DAB2: variants seen among roughly 807,000 people sequenced by gnomAD.
DAB2 encodes the protein DAB adaptor protein 2.
Under a neutral mutation model 71.6 loss-of-function variants are expected in DAB2, and 28 were observed. That is an observed-to-expected ratio of 0.39 (90% CI 0.29 to 0.54). The LOEUF is 0.54. DAB2 is among the 20% of genes least tolerant of loss of function. The probability of loss-of-function intolerance (pLI) is 0.68; values close to 1 mark genes in which losing one functional copy is unlikely to be tolerated. For missense variants in DAB2, 867 were observed against 928.8 expected (o/e 0.93, Z 0.86); for synonymous variants, 345 against 339.7 (o/e 1.02, Z -0.17).
intron 1 of DAB2, among the ~76,000 whole-genome samples, chr5:39,411,469 G>T (rs1466686601): frequency 1.3e-5 from 2 of 152,076 alleles, no homozygotes; most frequent in African/African-American, 2.4e-5. Context: ...TTAGATAGGG[G>T]CTCCATTTGT....
At chr5:39,398,194 G>T (rs554219363) in intron 1 of DAB2, among the ~76,000 whole-genome samples, 1 of 152,130 alleles carries the variant, frequency 6.6e-6, no homozygotes, top group Non-Finnish European at 1.5e-5. Context: ...TTTGAGAAGT[G>T]CCACAAAGCA....
In DAB2 at chr5:39,376,669, T is replaced by C. The variant is rs142857282; in HGVS notation, c.2118A>G (p.Gln706=). ...NADHDDFDAN[Q]LLNKINEPPK... The stretch of plus-strand genomic sequence containing the variant: ...GCTTACCATTGATCTTGTTCAATAG[T>C]TGATTAGCATCAAAGTCATCATGGT... Residue 706 remains glutamine (Q), a synonymous_variant, in exon 12 of 15, where the codon CAA becomes CAG. Transcript: ENST00000320816. 1.7e-5 allele frequency: 28 copies of C among 1,613,880 alleles called. No individual in the cohort carries two copies. Among genetic ancestry groups the C allele is most frequent in the Non-Finnish European group, 2.4e-5 (28 of 1,179,978 alleles).
intron 1 of DAB2, among the ~76,000 whole-genome samples, chr5:39,400,783 A>G (rs887378130): frequency 6.6e-6 from 1 of 152,190 alleles, no homozygotes; most frequent in Non-Finnish European, 1.5e-5. Flanking sequence ...GACACAGGGA[A>G]AGGAATTAAG....
intron 1 of DAB2, chr5:39,408,384 T>C (rs941197668): frequency 1.3e-5 from 2 of 152,182 alleles, no homozygotes; most frequent in Non-Finnish European, 2.9e-5. Flanking sequence ...AACCTACCCA[T>C]AGAGTTGGCA....
At chr5:39,410,532 T>C (rs934511502) in intron 1 of DAB2, among the ~76,000 whole-genome samples, 2 of 152,182 alleles carry the variant, frequency 1.3e-5, no homozygotes, top group African/African-American at 2.4e-5. Context: ...CATTAAATCA[T>C]AGGGTACCAA....
In DAB2 at chr5:39,381,626, C is replaced by T. The variant is rs921672060; in HGVS notation, c.1342-10G>A. ...AGTCATTGGCTGAAGACTGACAGGACAGGGAGGGAGGGAGAAGCCTTAGTT... is the reference window on the plus strand; with the variant it reads ...AGTCATTGGCTGAAGACTGACAGGATAGGGAGGGAGGGAGAAGCCTTAGTT... On this transcript the variant is annotated splice_polypyrimidine_tract_variant and intron_variant, in intron 10 of 14. Coordinates refer to ENST00000320816, the MANE Select transcript of DAB2 (RefSeq NM_001343.4). 5.0e-6 allele frequency: 8 copies of T among 1,613,554 alleles called. No individual in the cohort carries two copies. Among genetic ancestry groups the T allele is most frequent in the East Asian group, 2.2e-5 (1 of 44,880 alleles).
intron 1 of DAB2, among the ~76,000 whole-genome samples, chr5:39,412,985 G>T (rs1283009043): frequency 6.6e-6 from 1 of 152,138 alleles, no homozygotes; most frequent in Non-Finnish European, 1.5e-5. Context: ...CCTGTGCTGG[G>T]TTATACCAGG....
chr5:39,383,123 G>T lies in DAB2; in HGVS notation c.836C>A (p.Ala279Asp), dbSNP rs1802925. The part of the protein sequence containing the change: ...TPQASFLPEN[A>D]FSANLNFFPT... ...AAAGAAGTTGAGATTGGCAGAAAAG[G>T]CATTTTCAGGCAAGAAGGATGCCTG... is the stretch of plus-strand genomic sequence containing the variant. Residue 279 changes from alanine (A) to aspartate (D), a missense_variant, in exon 10 of 15, where the codon GCC becomes GAC. Ala to Asp is a moderately radical substitution (Grantham distance 126, BLOSUM62 -2). Coordinates refer to ENST00000320816, the MANE Select transcript of DAB2 (RefSeq NM_001343.4). 1.5e-5 allele frequency: 24 copies of T among 1,614,118 alleles called. No individual in the cohort carries two copies. The highest frequency in any genetic ancestry group is 2.0e-5 in the Non-Finnish European group (24 of 1,180,030).
rs200943679 is a variant in DAB2 at position 39,376,782 on chromosome 5, G to A, written c.2005C>T (p.Arg669Trp). The change falls in exon 12 of 15, where the codon CGG becomes TGG. Residue 669 changes from arginine (R) to tryptophan (W), a missense_variant. Transcript: ENST00000320816. ...QLRQPPAVPA[R>W]KGEQTSSGTL... ...CCAGAAGAAGTCTGCTCTCCCTTCC[G>A]CGCGGGCACAGCAGGTGGCTGCCGC... 15 of 1,614,062 alleles carry A rather than the reference G, an allele frequency of 9.3e-6. No homozygotes were observed. The highest frequency in any genetic ancestry group is 4.4e-5 in the South Asian group (4 of 91,078).
chr5:39,412,240 A>T (rs1192552905), intron 1 of DAB2, among the ~76,000 whole-genome samples: 1 of 152,020 alleles, frequency 6.6e-6, no homozygotes, highest in African/African-American at 2.4e-5. Context: ...TTGCTGTGAA[A>T]CCATGATTAT....
chr5:39,400,247 CT>C (rs1755467649), intron 1 of DAB2, among the ~76,000 whole-genome samples: 2 of 140,918 alleles, frequency 1.4e-5, no homozygotes, highest in Admixed American at 1.4e-4. Context: ...TTTTTTTTTT[CT>C]TGAGATAGAG....
Position 39,390,323 on chromosome 5 carries a change from G to A in DAB2, c.462+121C>T, listed in dbSNP as rs534889954. The A allele has an allele frequency of 5.7e-4, 713 of 1,240,294 alleles. 1 individual carries two copies. The highest frequency in any genetic ancestry group is 2.0e-3 in the Middle Eastern group (10 of 5,074). The allele number at this position is 1,240,294 out of a possible 1,614,324, so 76.8% of individuals were successfully genotyped here. On this transcript the variant is annotated intron_variant, in intron 5 of 14. Coordinates refer to ENST00000320816, the MANE Select transcript of DAB2 (RefSeq NM_001343.4). ...TAGGCCAATAAAAATAGTCATTCTC[G>A]GAATTATTATTTAGCCCTCTTACAT...
At position 39,382,885 on chromosome 5, in the gene DAB2, T is replaced by C. The variant is rs1561367434; in HGVS notation, c.1074A>G (p.Glu358=). Residue 358 remains glutamate (E), a synonymous_variant, in exon 10 of 15, where the codon GAA becomes GAG. Transcript: ENST00000320816. ...DQISNRTGKQ[E]AQAGPWPFSS... is the part of the protein sequence containing the mutation. ...AAAAGGGCCATGGGCCTGCCTGAGC[T>C]TCCTGTTTGCCAGTCCGGTTAGAGA... 2 of 1,614,148 alleles carry C rather than the reference T, an allele frequency of 1.2e-6. No individual in the cohort carries two copies. Among genetic ancestry groups the C allele is most frequent in the South Asian group, 2.2e-5 (2 of 91,082 alleles).
At chr5:39,403,220 A>G (rs147317775) in intron 1 of DAB2, among the ~76,000 whole-genome samples, 147 of 152,312 alleles carry the variant, frequency 9.7e-4, no homozygotes, top group Admixed American at 1.8e-3. Flanking sequence ...ATGATTAGAA[A>G]ACTGAGGGCA....
intron 13 of DAB2, 126 bp from the exon 14 acceptor site, chr5:39,375,210 A>G: frequency 3.0e-6 from 2 of 664,316 alleles, no homozygotes; most frequent in Non-Finnish European, 5.4e-6. Context: ...ATCAAACATT[A>G]TATGGGGCTT....
At chr5:39,381,225 T>C (rs939993643) in intron 11 of DAB2, among the ~76,000 whole-genome samples, 3 of 152,150 alleles carry the variant, frequency 2.0e-5, no homozygotes, top group Non-Finnish European at 4.4e-5. Context: ...AGTACAATAC[T>C]GAAAATGAAT....
At chr5:39,394,204 T>C in intron 2 of DAB2, 26 bp downstream of exon 2, 1 of 1,591,230 alleles carries the variant, frequency 6.3e-7, no homozygotes, top group Non-Finnish European at 8.6e-7. Flanking sequence ...GCTCCCTTCC[T>C]TGGCTTCAAG....
chr5:39,415,708 A>C (rs1338200250), intron 1 of DAB2, among the ~76,000 whole-genome samples: 2 of 152,114 alleles, frequency 1.3e-5, no homozygotes, highest in African/African-American at 4.8e-5. Context: ...GTCTTCAAGG[A>C]AATGGACTTC....
At chr5:39,403,897 C>A (rs769283341) in intron 1 of DAB2, among the ~76,000 whole-genome samples, 4 of 151,684 alleles carry the variant, frequency 2.6e-5, no homozygotes, top group South Asian at 2.1e-4. Flanking sequence ...CCTCTCCTTG[C>A]GATAGTTTGC....
Sources: gnomAD v4.1 joint callset for allele counts (sites outside exome capture counted in the v4.1 genomes callset) on GRCh38, gnomAD v4.1.1 for gene constraint, MANE v1.5 for transcripts, NCBI Gene and HGNC (gene_info 2026-07-23, HGNC 2026-07-21) for gene names.